The following NALF1 variants were observed in gnomAD, a reference collection of about 807,000 sequenced individuals.
NALF1 encodes family with sequence similarity 155 member A.
In NALF1, 3 loss-of-function variants were observed where a neutral mutation model predicts 48.4. The observed-to-expected ratio is 0.06, with a 90% CI of 0.03 to 0.16. The LOEUF (loss-of-function observed/expected upper bound fraction) is 0.16, where lower values mean the gene tolerates loss of function less well. NALF1 is among the 10% of genes least tolerant of loss of function. The pLI is 1.00. For synonymous variants in NALF1, 262 were observed against 245.7 expected (o/e 1.07, Z -0.62); for missense variants, 526 against 571.5 (o/e 0.92, Z 0.81).
chr13:107,447,487 G>C (rs1296612331), intron 1 of NALF1, among the ~76,000 whole-genome samples: 2 of 152,180 alleles, frequency 1.3e-5, no homozygotes, highest in Non-Finnish European at 2.9e-5. Context: ...ACAGGTTTCT[G>C]CATAACACAT....
At chr13:107,336,364 T>C (rs2138929029) in intron 1 of NALF1, among the ~76,000 whole-genome samples, 1 of 128,338 alleles carries the variant, frequency 7.8e-6, no homozygotes, top group African/African-American at 3.0e-5. Context: ...ATGATGATGA[T>C]GATGATAATA....
chr13:107,172,212 T>C (rs1033344449), intron 2 of NALF1, among the ~76,000 whole-genome samples: 5 of 152,266 alleles, frequency 3.3e-5, no homozygotes, highest in African/African-American at 1.2e-4. Flanking sequence ...AAGCTTGTAC[T>C]CATACCCCTG....
intron 1 of NALF1, among the ~76,000 whole-genome samples, chr13:107,801,240 TA>T (rs1285317694): frequency 3.3e-5 from 5 of 152,180 alleles, no homozygotes; most frequent in African/African-American, 1.2e-4. Context: ...TGAGTGAATA[TA>T]ATTATATCAT....
intron 1 of NALF1, among the ~76,000 whole-genome samples, chr13:107,716,076 A>C (rs1000817192): frequency 3.9e-5 from 6 of 152,144 alleles, no homozygotes; most frequent in Non-Finnish European, 8.8e-5. Context: ...TCAGGCAGTA[A>C]TTCAAACCCA....
At chr13:107,612,341 T>C (rs1373186370) in intron 1 of NALF1, among the ~76,000 whole-genome samples, 3 of 152,112 alleles carry the variant, frequency 2.0e-5, no homozygotes, top group Non-Finnish European at 2.9e-5. Context: ...TCTAGAGATC[T>C]GTTGTATAAC....
intron 1 of NALF1, among the ~76,000 whole-genome samples, chr13:107,565,065 C>CAAAAAAAAAAAAAAAAAAAAACAAA (rs71754551): frequency 4.3e-5 from 1 of 23,198 alleles, no homozygotes. Flanking sequence ...GTGATATCTG[C>CAAAAAAAAAAAAAAAAAAAAACAAA]AAAAAAAAAA....
intron 1 of NALF1, among the ~76,000 whole-genome samples, chr13:107,702,577 T>A (rs747600775): frequency 6.6e-6 from 1 of 152,196 alleles, no homozygotes; most frequent in South Asian, 2.1e-4. Context: ...GGGGTACATG[T>A]CAGGATGTGC....
intron 1 of NALF1, among the ~76,000 whole-genome samples, chr13:107,231,177 T>C (rs1321665873): frequency 2.0e-5 from 3 of 151,450 alleles, no homozygotes; most frequent in Non-Finnish European, 4.4e-5. Flanking sequence ...TGCTTTGAAA[T>C]GAAAAATTGG....
intron 1 of NALF1, among the ~76,000 whole-genome samples, chr13:107,625,495 T>A (rs1162617090): frequency 2.0e-5 from 3 of 152,136 alleles, no homozygotes; most frequent in African/African-American, 7.2e-5. Flanking sequence ...TGATTTCCCA[T>A]CTTTCATGTC....
intron 1 of NALF1, among the ~76,000 whole-genome samples, chr13:107,563,056 A>G (rs9555371): frequency 0.21 from 32,303 of 152,210 alleles, 3,819 homozygotes; most frequent in East Asian, 0.47. Context: ...GAGTTTTTAC[A>G]ATTGTTTATT....
intron 1 of NALF1, among the ~76,000 whole-genome samples, chr13:107,635,736 C>T (rs1167424572): frequency 6.6e-6 from 1 of 152,052 alleles, no homozygotes; most frequent in African/African-American, 2.4e-5. Flanking sequence ...GACACTTAGC[C>T]CCATAAGCCG....
chr13:107,795,043 G>C (rs1281620247), intron 1 of NALF1, among the ~76,000 whole-genome samples: 1 of 152,022 alleles, frequency 6.6e-6, no homozygotes, highest in African/African-American at 2.4e-5. Flanking sequence ...AATTTCATAA[G>C]ATGTTTATTT....
intron 1 of NALF1, among the ~76,000 whole-genome samples, chr13:107,346,188 A>G (rs1882769067): frequency 6.6e-6 from 1 of 152,232 alleles, no homozygotes; most frequent in Non-Finnish European, 1.5e-5. Flanking sequence ...CAGATTGTAA[A>G]TTGGCATAGC....
At chr13:107,230,814 C>G (rs1429515316) in intron 1 of NALF1, among the ~76,000 whole-genome samples, 1 of 151,970 alleles carries the variant, frequency 6.6e-6, no homozygotes. Flanking sequence ...AATCCCAGCA[C>G]GTTGGGAGGC....
chr13:107,768,833 A>C (rs1286448472), intron 1 of NALF1, among the ~76,000 whole-genome samples: 1 of 152,154 alleles, frequency 6.6e-6, no homozygotes, highest in African/African-American at 2.4e-5. Context: ...GAACTCAAAC[A>C]AATTTACAAG....
At chr13:107,172,025 C>A (rs1878816345) in intron 2 of NALF1, among the ~76,000 whole-genome samples, 1 of 152,202 alleles carries the variant, frequency 6.6e-6, no homozygotes, top group Middle Eastern at 3.2e-3. Flanking sequence ...GGTCTCTCCT[C>A]TCTCTCCAGG....
At chr13:107,639,144 G>A (rs60982557) in intron 1 of NALF1, among the ~76,000 whole-genome samples, 2 of 151,988 alleles carry the variant, frequency 1.3e-5, no homozygotes, top group Non-Finnish European at 2.9e-5. Flanking sequence ...TTAATATAAG[G>A]TATTTATTTT....
intron 1 of NALF1, among the ~76,000 whole-genome samples, chr13:107,306,420 T>G (rs1376647179): frequency 6.6e-6 from 1 of 152,172 alleles, no homozygotes; most frequent in Non-Finnish European, 1.5e-5. Context: ...ACAATTTTGT[T>G]ATTATTTGGT....
At chr13:107,311,344 T>C (rs1792368227) in intron 1 of NALF1, among the ~76,000 whole-genome samples, 1 of 152,166 alleles carries the variant, frequency 6.6e-6, no homozygotes, top group Non-Finnish European at 1.5e-5. Flanking sequence ...TAGAGCTATC[T>C]AAAAATTAAA....
Sources: gnomAD v4.1 joint callset for allele counts (sites outside exome capture counted in the v4.1 genomes callset) on GRCh38, gnomAD v4.1.1 for gene constraint, MANE v1.5 for transcripts, NCBI Gene and HGNC (gene_info 2026-07-23, HGNC 2026-07-21) for gene names.